PHF21B: variants seen among roughly 807,000 people sequenced by gnomAD.
PHF21B encodes the protein PHD finger protein 4.
PHF21B carries 22 observed loss-of-function variants against 62.2 expected under a neutral mutation model. The observed-to-expected ratio is 0.35, with a 90% CI of 0.25 to 0.51. The LOEUF (loss-of-function observed/expected upper bound fraction) is 0.51, where lower values mean the gene tolerates loss of function less well. Ranked by LOEUF, PHF21B falls within the 20% of genes least tolerant of loss-of-function variation. PHF21B has a pLI of 0.97. For missense variants in PHF21B, 701 were observed against 707.9 expected (o/e 0.99, Z 0.11); for synonymous variants, 341 against 314.7 (o/e 1.08, Z -0.88).
At chr22:44,984,855 C>T (rs1360830484) in intron 2 of PHF21B, among the ~76,000 whole-genome samples, 1 of 152,178 alleles carries the variant, frequency 6.6e-6, no homozygotes, top group Non-Finnish European at 1.5e-5. Flanking sequence ...AGAAGAGGAA[C>T]GGACGGCACC....
At chr22:44,944,813 T>C (rs1375797163) in intron 2 of PHF21B, among the ~76,000 whole-genome samples, 1 of 127,932 alleles carries the variant, frequency 7.8e-6, no homozygotes, top group Non-Finnish European at 1.7e-5. Context: ...GCCCATCGCA[T>C]GGGTTCAGAA....
At chr22:44,903,768 T>G (rs1027476453) in intron 5 of PHF21B, among the ~76,000 whole-genome samples, 1 of 152,242 alleles carries the variant, frequency 6.6e-6, no homozygotes, top group African/African-American at 2.4e-5. Flanking sequence ...TAAATTATCT[T>G]GATGGATGTA....
intron 4 of PHF21B, among the ~76,000 whole-genome samples, chr22:44,914,764 C>T (rs115677380): frequency 0.023 from 3,552 of 152,316 alleles, 136 homozygotes; most frequent in African/African-American, 0.08. Context: ...CTTAGCCAGC[C>T]TGCCTCGAGG....
In PHF21B at chr22:44,883,048, A is replaced by G; in HGVS notation, c.*38T>C. ...CCCCAGGCTGTGTAAGCAGGGTCCC[A>G]ATAACTTTCCGTGGGTATGAAGACT... is the stretch of plus-strand genomic sequence containing the variant. On this transcript the variant is annotated 3_prime_UTR_variant, in exon 13 of 13. Coordinates refer to ENST00000313237, the MANE Select transcript of PHF21B (RefSeq NM_138415.5). 2 of 1,570,040 alleles carry G rather than the reference A, an allele frequency of 1.3e-6. No homozygotes were observed.
chr22:44,893,577 T>C, intron 6 of PHF21B, 44 bp from the exon 7 acceptor site: 1 of 1,550,412 alleles, frequency 6.4e-7, no homozygotes, highest in Non-Finnish European at 8.7e-7. Context: ...CTGCCTGCCC[T>C]GGGAACCCCA....
chr22:44,889,413 T>A (rs2070920700), intron 9 of PHF21B, among the ~76,000 whole-genome samples: 1 of 152,188 alleles, frequency 6.6e-6, no homozygotes, highest in South Asian at 2.1e-4. Flanking sequence ...TCTGCCCAGG[T>A]CACACTGAGG....
chr22:44,948,127 A>G (rs1326240816), intron 2 of PHF21B, among the ~76,000 whole-genome samples: 2 of 150,876 alleles, frequency 1.3e-5, no homozygotes, highest in Non-Finnish European at 3.0e-5. Flanking sequence ...TTTTCCACGG[A>G]CCTGGGAGGG....
intron 2 of PHF21B, among the ~76,000 whole-genome samples, chr22:44,997,722 T>C (rs1601694559): frequency 6.6e-6 from 1 of 152,172 alleles, no homozygotes; most frequent in East Asian, 1.9e-4. Flanking sequence ...GAGAAACACT[T>C]CTCCCTCTCT....
chr22:44,992,639 G>A lies in PHF21B; in HGVS notation c.120+15906C>T, dbSNP rs117816567. Among the ~76,000 whole-genome samples the A allele has an allele frequency of 1.1e-3, 171 of 152,352 alleles. 2 individuals are homozygous for A. The East Asian group carries it at 0.03, about 27-fold the overall frequency. On this transcript the variant is annotated intron_variant, in intron 2 of 12. Transcript: ENST00000313237. ...GTCCCCACCAACTCAGCCTGAGGCC[G>A]GCTCTGGCTTTTGGCCGCCATCCTC...
At chr22:44,920,345 G>C (rs2071512290) in intron 3 of PHF21B, 53 bp downstream of exon 3, 3 of 1,452,222 alleles carry the variant, frequency 2.1e-6, no homozygotes, top group South Asian at 2.5e-5. Context: ...TAGGAACAGA[G>C]ACTGCGGGGA....
chr22:44,994,386 A>T (rs184636067), intron 2 of PHF21B, among the ~76,000 whole-genome samples: 42 of 152,274 alleles, frequency 2.8e-4, no homozygotes, highest in Admixed American at 2.2e-3. Flanking sequence ...AGACAGAGGC[A>T]GAGACTGGAG....
Position 44,917,131 on chromosome 22 carries a change from C to T in PHF21B, c.214-501G>A, listed in dbSNP as rs554551371. Among the ~76,000 whole-genome samples the T allele has an allele frequency of 2.7e-3, 407 of 152,294 alleles. 3 individuals are homozygous for T. Among genetic ancestry groups the T allele is most frequent in the African/African-American group, 9.2e-3 (381 of 41,560 alleles). The stretch of plus-strand genomic sequence containing the variant: ...CTCCCGTGAAAACCAGAGCTGAGCC[C>T]GCGTGACTGCGGCGGGCCTGACAGT... On this transcript the variant is annotated intron_variant, in intron 3 of 12. Coordinates refer to ENST00000313237, the MANE Select transcript of PHF21B (RefSeq NM_138415.5).
intron 2 of PHF21B, among the ~76,000 whole-genome samples, chr22:44,961,890 AAAT>A (rs949356656): frequency 4.1e-5 from 6 of 147,956 alleles, no homozygotes; most frequent in East Asian, 1.9e-4. Flanking sequence ...ATAAATAAAT[AAAT>A]AAGTATAATG....
intron 2 of PHF21B, among the ~76,000 whole-genome samples, chr22:44,978,251 A>T (rs1180987820): frequency 6.6e-6 from 1 of 152,112 alleles, no homozygotes. Flanking sequence ...CTTCCCACCC[A>T]GCAGCACTCC....
At chr22:44,919,763 C>G (rs973241394) in intron 3 of PHF21B, among the ~76,000 whole-genome samples, 1 of 152,246 alleles carries the variant, frequency 6.6e-6, no homozygotes, top group African/African-American at 2.4e-5. Context: ...GGCACGGTTA[C>G]AAATGTTTTG....
At chr22:44,923,962 G>A (rs935209629) in intron 2 of PHF21B, among the ~76,000 whole-genome samples, 3 of 150,616 alleles carry the variant, frequency 2.0e-5, no homozygotes. Flanking sequence ...AGTGAGCCAT[G>A]ATTGCACCAC....
intron 2 of PHF21B, chr22:45,008,110 C>G (rs2073359701): frequency 6.5e-6 from 1 of 154,968 alleles, no homozygotes; most frequent in South Asian, 2.1e-4. Context: ...GAGGGAGCCT[C>G]GAGGAACGAT....
intron 2 of PHF21B, among the ~76,000 whole-genome samples, chr22:44,967,372 C>T (rs1046375295): frequency 1.3e-5 from 2 of 151,928 alleles, no homozygotes; most frequent in African/African-American, 4.8e-5. Context: ...AGGTGCCCAT[C>T]ACCACACCTG....
chr22:44,920,482 T>G lies in PHF21B; in HGVS notation c.129A>C (p.Gly43=). Residue 43 remains glycine, a synonymous_variant, in exon 3 of 13, where the codon GGA becomes GGC. Transcript: ENST00000313237. ...IAALSDKQAL[G]TITAVPVTGP... ...CCGTGACAGGCACTGCAGTGATCGT[T>G]CCCAAAGCCTGAAACATACAGGAGG... is the stretch of plus-strand genomic sequence containing the variant. The G allele has an allele frequency of 6.2e-7, 1 of 1,610,492 alleles. No homozygotes were observed. Among genetic ancestry groups the G allele is most frequent in the African/African-American group, 1.3e-5 (1 of 74,892 alleles).
Sources: gnomAD v4.1 joint callset for allele counts (sites outside exome capture counted in the v4.1 genomes callset) on GRCh38, gnomAD v4.1.1 for gene constraint, MANE v1.5 for transcripts, NCBI Gene and HGNC (gene_info 2026-07-23, HGNC 2026-07-21) for gene names.